VWC2: variants seen among roughly 807,000 people sequenced by gnomAD.
VWC2 encodes brorin.
VWC2 carries 14 observed loss-of-function variants against 29.8 expected under a neutral mutation model. That is an observed-to-expected ratio of 0.47 (90% CI 0.31 to 0.74). The LOEUF is 0.74. VWC2 is among the 30% of genes least tolerant of loss of function. The pLI, the probability that VWC2 is intolerant of heterozygous loss-of-function variation, is 0.05. For missense variants in VWC2, 457 were observed against 459.8 expected (o/e 0.99, Z 0.05); for synonymous variants, 213 against 199.0 (o/e 1.07, Z -0.59).
At chr7:49,873,977 G>A (rs1791289715) in intron 3 of VWC2, among the ~76,000 whole-genome samples, 1 of 151,378 alleles carries the variant, frequency 6.6e-6, no homozygotes, top group African/African-American at 2.4e-5. Context: ...CAAATTCAAA[G>A]AAAACCAATG....
At chr7:49,796,723 A>T (rs1788599478) in intron 2 of VWC2, among the ~76,000 whole-genome samples, 1 of 152,176 alleles carries the variant, frequency 6.6e-6, no homozygotes, top group Non-Finnish European at 1.5e-5. Context: ...GGTCCTTCTC[A>T]TGGTTATGAA....
At chr7:49,780,692 A>G (rs556510537) in intron 2 of VWC2, among the ~76,000 whole-genome samples, 11 of 152,320 alleles carry the variant, frequency 7.2e-5, no homozygotes. Context: ...GCAATTGTAT[A>G]AGTCTTTGAA....
chr7:49,785,692 A>G lies in VWC2; in HGVS notation c.696+9561A>G, dbSNP rs1324366285. Among the ~76,000 whole-genome samples, 3 of 152,372 alleles carry G rather than the reference A, an allele frequency of 2.0e-5. No homozygotes were observed. The East Asian group carries it at 5.8e-4, about 29-fold the overall frequency. On this transcript the variant is annotated intron_variant, in intron 2 of 3. Transcript: ENST00000340652. Reference sequence around the variant, plus strand: ...TAGGCTTACAGCAGACATCTGATCAACAGAAAACACAGCACAGTAGGAGAA... The same window carrying G: ...TAGGCTTACAGCAGACATCTGATCAGCAGAAAACACAGCACAGTAGGAGAA...
At chr7:49,789,140 T>C (rs1207805932) in intron 2 of VWC2, among the ~76,000 whole-genome samples, 1 of 145,134 alleles carries the variant, frequency 6.9e-6, no homozygotes, top group Non-Finnish European at 1.5e-5. Flanking sequence ...TGAATGGATG[T>C]ATGAGAATGT....
chr7:49,859,814 ACACACACACACT>A (rs1168823816), intron 3 of VWC2, among the ~76,000 whole-genome samples: 2 of 148,020 alleles, frequency 1.4e-5, no homozygotes, highest in Non-Finnish European at 2.9e-5. Context: ...ACACACACAC[ACACACACACACT>A]CACTCTGCTG....
chr7:49,898,151 A>G (rs1792488058), intron 3 of VWC2, among the ~76,000 whole-genome samples: 1 of 151,934 alleles, frequency 6.6e-6, no homozygotes. Flanking sequence ...GTGTGTATAT[A>G]TATGTGTATG....
chr7:49,816,518 C>G (rs1789149608), intron 3 of VWC2, among the ~76,000 whole-genome samples: 1 of 152,152 alleles, frequency 6.6e-6, no homozygotes, highest in Non-Finnish European at 1.5e-5. Flanking sequence ...TGACAAAGAC[C>G]ATGGGTTGGT....
intron 3 of VWC2, among the ~76,000 whole-genome samples, chr7:49,804,502 A>G (rs1279054805): frequency 1.3e-5 from 2 of 152,184 alleles, no homozygotes; most frequent in Non-Finnish European, 2.9e-5. Context: ...GGTTGCTTAA[A>G]TATTTGGCGT....
chr7:49,851,520 G>T (rs1790177446), intron 3 of VWC2, among the ~76,000 whole-genome samples: 1 of 152,200 alleles, frequency 6.6e-6, no homozygotes, highest in Non-Finnish European at 1.5e-5. Context: ...ACATCACAGT[G>T]TGTGAGTGAA....
Position 49,877,470 on chromosome 7 carries a change from A to AAAAAAAT in VWC2, c.827-34558_827-34557insTAAAAAA, listed in dbSNP as rs1791463482. ...AGTAAGAAACTCTGTCTCAAAAAAA[A>AAAAAAAT]AAAAAAAAAAAATATATATATATAT... is the stretch of plus-strand genomic sequence containing the variant. On this transcript the variant is annotated intron_variant, in intron 3 of 3. Transcript: ENST00000340652. 5.0e-5 allele frequency among the ~76,000 whole-genome samples: 2 copies of AAAAAAAT among 39,858 alleles called. 1 individual carries two copies. Among genetic ancestry groups the AAAAAAAT allele is most frequent in the South Asian group, 2.3e-3 (2 of 862 alleles). 26.1% of individuals were successfully genotyped at this position (39,858 alleles called of 152,430 possible).
chr7:49,919,079 G>T lies in VWC2; in HGVS notation c.*6894G>T, dbSNP rs1211529917. ...AAAAAAAAAAAAAAAATCAGTGATG[G>T]AACTGAGGCCAAATCTGTCTGGTTC... On this transcript the variant is annotated 3_prime_UTR_variant, in exon 4 of 4. Coordinates refer to ENST00000340652, the MANE Select transcript of VWC2 (RefSeq NM_198570.5). 5 of 151,724 alleles carry T rather than the reference G, an allele frequency of 3.3e-5. No homozygotes were observed. The highest frequency in any genetic ancestry group is 1.2e-4 in the African/African-American group (5 of 41,228). 9.4% of individuals were successfully genotyped at this position (151,724 alleles called of 1,614,324 possible). A position where few individuals can be genotyped will look rare whatever the true frequency, so the allele number is the denominator to read the frequency against.
intron 2 of VWC2, among the ~76,000 whole-genome samples, chr7:49,789,766 A>G (rs1408116908): frequency 6.6e-6 from 1 of 152,234 alleles, no homozygotes; most frequent in African/African-American, 2.4e-5. Flanking sequence ...TGCAGTTGAC[A>G]TTACTTTCTT....
At chr7:49,892,838 A>G (rs1436238392) in intron 3 of VWC2, among the ~76,000 whole-genome samples, 5 of 152,334 alleles carry the variant, frequency 3.3e-5, no homozygotes, top group African/African-American at 1.2e-4. Flanking sequence ...ACTGTGAGAA[A>G]AGACTTCTAT....
chr7:49,820,291 G>A (rs1030739503), intron 3 of VWC2, among the ~76,000 whole-genome samples: 6 of 152,074 alleles, frequency 3.9e-5, no homozygotes, highest in Non-Finnish European at 5.9e-5. Flanking sequence ...CACCATGAAC[G>A]ATGATTACCG....
chr7:49,885,023 A>G (rs564879410), intron 3 of VWC2, among the ~76,000 whole-genome samples: 56 of 152,280 alleles, frequency 3.7e-4, no homozygotes, highest in African/African-American at 1.3e-3. Flanking sequence ...GTATGGCTAA[A>G]TTTAAAATTA....
rs554342911 is a variant in VWC2, at chr7:49,831,951, A to G, written c.826+29111A>G. The stretch of plus-strand genomic sequence containing the variant: ...GCATGGGGAATTGAGATGAAAAAGT[A>G]GCATCATCAGATAGTAGACAGATAA... On this transcript the variant is annotated intron_variant, in intron 3 of 3. Coordinates refer to ENST00000340652, the MANE Select transcript of VWC2 (RefSeq NM_198570.5). Among the ~76,000 whole-genome samples the G allele has an allele frequency of 2.0e-5, 3 of 152,348 alleles. No homozygotes were observed. The South Asian group carries it at 6.2e-4, about 32-fold the overall frequency.
intron 3 of VWC2, among the ~76,000 whole-genome samples, chr7:49,910,755 C>T (rs1386599001): frequency 6.6e-6 from 1 of 152,174 alleles, no homozygotes; most frequent in African/African-American, 2.4e-5. Flanking sequence ...CAGAGATCCT[C>T]AATTCTCATG....
intron 3 of VWC2, among the ~76,000 whole-genome samples, chr7:49,888,605 A>G (rs1489894753): frequency 2.0e-5 from 3 of 152,208 alleles, no homozygotes; most frequent in Admixed American, 2.0e-4. Flanking sequence ...CCCTGGCCCA[A>G]GGGTGTTTAT....
rs189164986 is a variant in VWC2 at position 49,809,835 on chromosome 7, A to C, written c.826+6995A>C. 1.2e-3 allele frequency among the ~76,000 whole-genome samples: 185 copies of C among 152,164 alleles called. 2 individuals carry two copies. Among genetic ancestry groups the C allele is most frequent in the East Asian group, 9.2e-3 (48 of 5,194 alleles). On this transcript the variant is annotated intron_variant, in intron 3 of 3. Transcript: ENST00000340652. ...AAAATCCAACACTCATTTATGATTG[A>C]AGCTTTCAACAAACTAGGCATAAAA... is the stretch of plus-strand genomic sequence containing the variant.
Sources: gnomAD v4.1 joint callset for allele counts (sites outside exome capture counted in the v4.1 genomes callset) on GRCh38, gnomAD v4.1.1 for gene constraint, MANE v1.5 for transcripts, NCBI Gene and HGNC (gene_info 2026-07-23, HGNC 2026-07-21) for gene names.